The following PEBP4 variants were observed in gnomAD, a reference collection of about 807,000 sequenced individuals.
The protein encoded by PEBP4 is phosphatidylethanolamine-binding protein 4.
Under a neutral mutation model 23.9 loss-of-function variants are expected in PEBP4, and 22 were observed. The ratio of observed to expected loss-of-function variants is 0.92; its 90% CI spans 0.66 to 1.31. PEBP4 has a LOEUF of 1.31. Ranked by LOEUF, PEBP4 falls within the 40% of genes most tolerant of loss-of-function variation. PEBP4 has a pLI of 0.00. For synonymous variants in PEBP4, 112 were observed against 99.3 expected, an observed-to-expected ratio of 1.13 and a Z score of -0.76; for missense variants, 324 against 281.7, an observed-to-expected ratio of 1.15 and a Z score of -1.07.
At chr8:22,920,498 C>T (rs553818647) in intron 2 of PEBP4, among the ~76,000 whole-genome samples, 188 bp from the exon 3 acceptor site, 5 of 152,250 alleles carry the variant, frequency 3.3e-5, no homozygotes, top group South Asian at 2.1e-4. Flanking sequence ...ACCTGTAAAA[C>T]GAAGACACTA....
chr8:22,868,162 A>G (rs1267436882), intron 3 of PEBP4, among the ~76,000 whole-genome samples: 1 of 152,194 alleles, frequency 6.6e-6, no homozygotes, highest in Non-Finnish European at 1.5e-5. Context: ...ATGAGGAGCC[A>G]TTGTGAGCAT....
chr8:22,779,949 A>C (rs571962964), intron 4 of PEBP4, among the ~76,000 whole-genome samples: 1 of 148,246 alleles, frequency 6.7e-6, no homozygotes, highest in African/African-American at 2.5e-5. Context: ...TTGTTTTTTT[A>C]AAATCTTTTT....
intron 3 of PEBP4, among the ~76,000 whole-genome samples, chr8:22,864,942 C>T (rs1037581306): frequency 2.0e-5 from 3 of 152,262 alleles, no homozygotes; most frequent in East Asian, 1.9e-4. Flanking sequence ...GGTGCTGGAC[C>T]CCGATGAGGC....
intron 4 of PEBP4, among the ~76,000 whole-genome samples, chr8:22,748,648 G>A (rs922719361): frequency 6.6e-6 from 1 of 151,712 alleles, no homozygotes; most frequent in East Asian, 1.9e-4. Flanking sequence ...TCACCCGGCT[G>A]TCAGCAGCCC....
At position 22,865,773 on chromosome 8, in the gene PEBP4, G is replaced by C. The variant is rs1807885888; in HGVS notation, c.259-48038C>G. Among the ~76,000 whole-genome samples the C allele has an allele frequency of 6.6e-6, 1 of 152,128 alleles. No homozygotes were observed. The highest frequency in any genetic ancestry group is 2.1e-4 in the South Asian group (1 of 4,826). On this transcript the variant is annotated intron_variant, in intron 3 of 6. Coordinates refer to ENST00000256404, the MANE Select transcript of PEBP4 (RefSeq NM_144962.3). This position sits in a 1 kb window ranked among gnomAD's most constrained non-coding sequence, Gnocchi z 6.9. ...CGGAAGATGGGCCACGCGGGAAGGA[G>C]ATCGGCGGCCACTCCCGGGGGCGCG...
chr8:22,767,283 G>C (rs1484641594), intron 4 of PEBP4, among the ~76,000 whole-genome samples: 7 of 152,194 alleles, frequency 4.6e-5, no homozygotes, highest in Non-Finnish European at 1.0e-4. Context: ...TCAAAGCTGT[G>C]ACACGCTGGT....
chr8:22,882,522 G>A (rs1004408641), intron 3 of PEBP4, among the ~76,000 whole-genome samples: 12 of 152,168 alleles, frequency 7.9e-5, no homozygotes, highest in African/African-American at 2.9e-4. Context: ...TTTTGATCAT[G>A]AACAGAGGGA....
chr8:22,876,162 C>CA (rs1460848851), intron 3 of PEBP4, among the ~76,000 whole-genome samples: 1 of 152,188 alleles, frequency 6.6e-6, no homozygotes, highest in Non-Finnish European at 1.5e-5. Flanking sequence ...ACACCAGCCT[C>CA]AGCCTCCCAA....
chr8:22,795,165 T>TATATA (rs1563218572), intron 4 of PEBP4, among the ~76,000 whole-genome samples: 37 of 16,686 alleles, frequency 2.2e-3, no homozygotes, highest in African/African-American at 4.6e-3. Flanking sequence ...ATATATATAT[T>TATATA]TTTTTTTTTT....
At chr8:22,896,848 T>G (rs755148597) in intron 3 of PEBP4, among the ~76,000 whole-genome samples, 1 of 151,822 alleles carries the variant, frequency 6.6e-6, no homozygotes, top group Non-Finnish European at 1.5e-5. Flanking sequence ...TGTATACTGA[T>G]GTACTTGATA....
At chr8:22,880,238 C>T (rs2128772093) in intron 3 of PEBP4, among the ~76,000 whole-genome samples, 1 of 152,280 alleles carries the variant, frequency 6.6e-6, no homozygotes, top group Middle Eastern at 3.4e-3. Context: ...CTGAGTGGGC[C>T]CCACCTCTTC....
intron 3 of PEBP4, among the ~76,000 whole-genome samples, chr8:22,901,229 C>T (rs969319870): frequency 1.1e-4 from 16 of 152,246 alleles, no homozygotes; most frequent in African/African-American, 3.1e-4. Flanking sequence ...AGAGGCAACA[C>T]GTATTCACTG....
At chr8:22,909,603 T>A (rs953467688) in intron 3 of PEBP4, among the ~76,000 whole-genome samples, 2 of 152,120 alleles carry the variant, frequency 1.3e-5, no homozygotes, top group Non-Finnish European at 2.9e-5. Context: ...CCTGGAGCAG[T>A]CCCTGGAAAC....
At chr8:22,882,998 G>T (rs1808295606) in intron 3 of PEBP4, among the ~76,000 whole-genome samples, 1 of 152,140 alleles carries the variant, frequency 6.6e-6, no homozygotes, top group South Asian at 2.1e-4. Flanking sequence ...CGAGCCTGGG[G>T]TATCCCCCAT....
At position 22,870,349 on chromosome 8, in the gene PEBP4, G is replaced by A. The variant is rs536905773; in HGVS notation, c.258+49835C>T. Among the ~76,000 whole-genome samples, 23 of 152,250 alleles carry A rather than the reference G, an allele frequency of 1.5e-4. No individual in the cohort carries two copies. The South Asian group carries it at 2.1e-3, about 14-fold the overall frequency. On this transcript the variant is annotated intron_variant, in intron 3 of 6. Coordinates refer to ENST00000256404, the MANE Select transcript of PEBP4 (RefSeq NM_144962.3). ...AAGCCAATTTAAAAAGATTACATGC[G>A]GTAGGATCCTAACTATACAACATTC...
At chr8:22,916,331 A>T (rs568699054) in intron 3 of PEBP4, among the ~76,000 whole-genome samples, 5 of 152,260 alleles carry the variant, frequency 3.3e-5, no homozygotes, top group African/African-American at 1.2e-4. Flanking sequence ...TTGCCTCTTC[A>T]TGTTTGTCAG....
intron 1 of PEBP4, among the ~76,000 whole-genome samples, chr8:22,939,438 T>C (rs1809580999): frequency 6.6e-6 from 1 of 151,946 alleles, no homozygotes; most frequent in Non-Finnish European, 1.5e-5. Flanking sequence ...TAAAGGAAAA[T>C]ATTTTACCTT....
At chr8:22,916,992 C>T (rs986662201) in intron 3 of PEBP4, among the ~76,000 whole-genome samples, 6 of 152,064 alleles carry the variant, frequency 3.9e-5, no homozygotes, top group Admixed American at 1.3e-4. Flanking sequence ...AGCATTGTGA[C>T]GGGAGCAGGG....
At chr8:22,828,724 A>G (rs62495014) in intron 3 of PEBP4, among the ~76,000 whole-genome samples, 55,498 of 151,888 alleles carry the variant, frequency 0.37, 10,280 homozygotes, top group East Asian at 0.45. Flanking sequence ...ACCAAAGACA[A>G]TGGCACCTGC....
Sources: allele counts gnomAD v4.1 joint callset (sites outside exome capture counted in the v4.1 genomes callset), GRCh38; gene constraint gnomAD v4.1.1; non-coding constraint Gnocchi (gnomAD v3.1); transcripts MANE v1.5; gene names NCBI Gene and HGNC (gene_info 2026-07-23, HGNC 2026-07-21).